The following SLC6A11 variants were observed in gnomAD, a reference collection of about 807,000 sequenced individuals.
SLC6A11 encodes the protein solute carrier family 6 member 11.
Under a neutral mutation model 74.8 loss-of-function variants are expected in SLC6A11, and 25 were observed. That is an observed-to-expected ratio of 0.33 (90% CI 0.24 to 0.47). The LOEUF (loss-of-function observed/expected upper bound fraction) is 0.47, where lower values mean the gene tolerates loss of function less well. SLC6A11 is among the 20% of genes least tolerant of loss of function. The probability of loss-of-function intolerance (pLI) is 1.00; values close to 1 mark genes in which losing one functional copy is unlikely to be tolerated. For synonymous variants in SLC6A11, 330 were observed against 330.2 expected, an observed-to-expected ratio of 1.00 and a Z score of 0.01; for missense variants, 574 against 837.0, an observed-to-expected ratio of 0.69 and a Z score of 3.88.
At chr3:10,873,627 A>ATCCTATCCTGTCCTG (rs138507797) in intron 5 of SLC6A11, among the ~76,000 whole-genome samples, 1 of 135,958 alleles carries the variant, frequency 7.4e-6, no homozygotes, top group African/African-American at 2.9e-5. Context: ...ATCCTATCCT[A>ATCCTATCCTGTCCTG]TCCTGTCCTG....
chr3:10,924,334 A>G (rs1695574269), intron 8 of SLC6A11, among the ~76,000 whole-genome samples: 1 of 152,230 alleles, frequency 6.6e-6, no homozygotes, highest in Non-Finnish European at 1.5e-5. Context: ...TAAGGCAAGA[A>G]CAAGAAAAAT....
chr3:10,835,058 C>T (rs1694348586), intron 4 of SLC6A11, among the ~76,000 whole-genome samples: 1 of 152,200 alleles, frequency 6.6e-6, no homozygotes, highest in Admixed American at 6.5e-5. Flanking sequence ...GCTCCTGATG[C>T]TCTCGCGCCT....
At chr3:10,894,443 C>T (rs867145296) in intron 6 of SLC6A11, among the ~76,000 whole-genome samples, 5 of 152,284 alleles carry the variant, frequency 3.3e-5, no homozygotes, top group East Asian at 1.9e-4. Context: ...AAGATAAGAG[C>T]GTTTGGCTCC....
intron 6 of SLC6A11, among the ~76,000 whole-genome samples, chr3:10,905,566 A>T (rs2581211): frequency 4.6e-5 from 7 of 152,120 alleles, no homozygotes; most frequent in East Asian, 1.9e-4. Context: ...TTTAATACAG[A>T]GTAACCTAGC....
chr3:10,874,987 C>G lies in SLC6A11; in HGVS notation c.783C>G (p.Pro261=). ...TTGTATACGTGACTGCGACATTCCC[C>G]TACATCATGCTGCTGATCCTCCTGA... ...GKVVYVTATF[P]YIMLLILLIR... The change falls in exon 6 of 14, where the codon CCC becomes CCG. Residue 261 remains proline (P), a synonymous_variant. Transcript: ENST00000254488. The G allele has an allele frequency of 1.2e-6, 2 of 1,613,450 alleles. No homozygotes were observed. The highest frequency in any genetic ancestry group is 1.7e-6 in the Non-Finnish European group (2 of 1,179,600).
At chr3:10,846,279 A>G (rs1490891007) in intron 5 of SLC6A11, among the ~76,000 whole-genome samples, 7 of 152,214 alleles carry the variant, frequency 4.6e-5, no homozygotes, top group Admixed American at 2.6e-4. Context: ...TACCCAGACA[A>G]TACATGAAAG....
At chr3:10,917,923 A>T (rs139269487) in intron 7 of SLC6A11, among the ~76,000 whole-genome samples, 1 of 152,140 alleles carries the variant, frequency 6.6e-6, no homozygotes, top group African/African-American at 2.4e-5. Flanking sequence ...AGAAGCCCCC[A>T]TTTCTCCCAT....
At chr3:10,877,270 G>T (rs570039270) in intron 6 of SLC6A11, among the ~76,000 whole-genome samples, 1 of 152,196 alleles carries the variant, frequency 6.6e-6, no homozygotes, top group Admixed American at 6.5e-5. Flanking sequence ...TACATATTTG[G>T]TAATTTAGGA....
At chr3:10,930,492 T>C (rs1695671705) in intron 10 of SLC6A11, among the ~76,000 whole-genome samples, 1 of 152,106 alleles carries the variant, frequency 6.6e-6, no homozygotes, top group African/African-American at 2.4e-5. Context: ...TGATAATCAG[T>C]GTTGGAGCAA....
chr3:10,897,901 G>A (rs541548018), intron 6 of SLC6A11, among the ~76,000 whole-genome samples: 27 of 152,318 alleles, frequency 1.8e-4, no homozygotes, highest in African/African-American at 2.6e-4. Flanking sequence ...CTTCTGTCTG[G>A]ACATCCAGGC....
chr3:10,905,312 G>T (rs754778492), intron 6 of SLC6A11, among the ~76,000 whole-genome samples: 3 of 152,198 alleles, frequency 2.0e-5, no homozygotes, highest in Non-Finnish European at 2.9e-5. Flanking sequence ...ATATGTATTT[G>T]GGAGTGAAGG....
chr3:10,837,005 A>G (rs191632153), intron 4 of SLC6A11, among the ~76,000 whole-genome samples: 12 of 152,298 alleles, frequency 7.9e-5, no homozygotes, highest in Non-Finnish European at 1.3e-4. Context: ...CTTTACAGAA[A>G]AAGCTTGCTG....
chr3:10,889,779 A>C (rs545054968), intron 6 of SLC6A11, among the ~76,000 whole-genome samples: 54 of 152,312 alleles, frequency 3.5e-4, no homozygotes, highest in African/African-American at 1.3e-3. Context: ...GAGGCCTGTC[A>C]GACAAACCAG....
At chr3:10,817,546 A>G (rs1340377531) in intron 1 of SLC6A11, among the ~76,000 whole-genome samples, 1 of 152,192 alleles carries the variant, frequency 6.6e-6, no homozygotes, top group African/African-American at 2.4e-5. Flanking sequence ...AAGAGCCTGT[A>G]TCTGTATATT....
At chr3:10,848,183 AGGGAGG>A (rs1694528313) in intron 5 of SLC6A11, among the ~76,000 whole-genome samples, 1 of 152,226 alleles carries the variant, frequency 6.6e-6, no homozygotes, top group African/African-American at 2.4e-5. Context: ...TCACCTGTTC[AGGGAGG>A]CAGACACTGT....
rs141961180 is a variant in SLC6A11 at position 10,828,596 on chromosome 3, C to T, written c.623+5204C>T. ...GCCTTCTTTCTGTTCTTTAGATGTA[C>T]GGGCCTTGTCCCAGGGTCAGTCTCT... is the stretch of plus-strand genomic sequence containing the variant. On this transcript the variant is annotated intron_variant, in intron 4 of 13. Transcript: ENST00000254488. Among the ~76,000 whole-genome samples the T allele has an allele frequency of 2.9e-4, 44 of 152,254 alleles. 3 individuals are homozygous for T. The East Asian group carries it at 8.1e-3, about 28-fold the overall frequency.
intron 6 of SLC6A11, among the ~76,000 whole-genome samples, chr3:10,891,504 T>C (rs925808509): frequency 6.6e-6 from 1 of 152,362 alleles, no homozygotes; most frequent in African/African-American, 2.4e-5. Context: ...TCCATAGTTT[T>C]ATATTCTGAC....
rs1479055541 is a variant in SLC6A11 at position 10,926,686 on chromosome 3, C to T, written c.1233+570C>T. On this transcript the variant is annotated intron_variant, in intron 9 of 13. Transcript: ENST00000254488. The surrounding 1 kb of genome is among the most constrained non-coding windows in gnomAD (Gnocchi z 5.7). ...CTCCCCCTGCTTGGCAGCCTCCTTC[C>T]CTGGCGAAGGGGGTAGACCTGGAGC... Among the ~76,000 whole-genome samples, 1 of 152,182 alleles carries T rather than the reference C, an allele frequency of 6.6e-6. No individual in the cohort carries two copies. The highest frequency in any genetic ancestry group is 1.5e-5 in the Non-Finnish European group (1 of 68,038).
chr3:10,937,795 A>G (rs1695775926), intron 13 of SLC6A11, among the ~76,000 whole-genome samples: 1 of 152,156 alleles, frequency 6.6e-6, no homozygotes, highest in Non-Finnish European at 1.5e-5. Flanking sequence ...CCCCGACATG[A>G]TGGCACCCCT....
Sources: gnomAD v4.1 joint callset for allele counts (sites outside exome capture counted in the v4.1 genomes callset) on GRCh38, gnomAD v4.1.1 for gene constraint, Gnocchi (gnomAD v3.1) non-coding constraint, MANE v1.5 for transcripts, NCBI Gene and HGNC (gene_info 2026-07-23, HGNC 2026-07-21) for gene names.